Variants in BLNK observed in about 807,000 individuals in gnomAD.
The protein encoded by BLNK is B cell linker.
A neutral mutation model predicts 73.5 loss-of-function variants in BLNK; 29 were observed. That is an observed-to-expected ratio of 0.39 (90% CI 0.29 to 0.54). BLNK has a LOEUF of 0.54. Ranked by LOEUF, BLNK falls within the 20% of genes least tolerant of loss-of-function variation. The pLI is 0.61. For missense variants in BLNK, 460 were observed against 562.8 expected (o/e 0.82, Z 1.85); for synonymous variants, 176 against 200.8 (o/e 0.88, Z 1.04).
chr10:96,231,514 C>T (rs1842498585), intron 3 of BLNK, among the ~76,000 whole-genome samples: 1 of 152,076 alleles, frequency 6.6e-6, no homozygotes, highest in Non-Finnish European at 1.5e-5. Flanking sequence ...GTTGCTTGAG[C>T]CCAGGAGTTC....
At chr10:96,203,832 C>T (rs2083721758) in intron 13 of BLNK, 2 of 392,410 alleles carry the variant, frequency 5.1e-6, no homozygotes, top group African/African-American at 2.1e-5. Context: ...AATATTAAAT[C>T]GCTACTAAAA....
chr10:96,208,574 A>T (rs140314491), intron 9 of BLNK, among the ~76,000 whole-genome samples: 187 of 152,340 alleles, frequency 1.2e-3, no homozygotes, highest in African/African-American at 4.2e-3. Context: ...CTTGTGGAAC[A>T]CTGTAAGTCA....
chr10:96,203,094 GA>G (rs2083690644), intron 13 of BLNK, among the ~76,000 whole-genome samples: 1 of 152,138 alleles, frequency 6.6e-6, no homozygotes, highest in South Asian at 2.1e-4. Context: ...TAAGTTTCAT[GA>G]GGACAGGGTC....
At chr10:96,254,189 A>G (rs550580199) in intron 1 of BLNK, among the ~76,000 whole-genome samples, 10 of 152,210 alleles carry the variant, frequency 6.6e-5, no homozygotes, top group Non-Finnish European at 1.3e-4. Context: ...TTTAACAGCA[A>G]ATCTTACTAT....
chr10:96,256,552 A>G (rs928057026), intron 1 of BLNK, among the ~76,000 whole-genome samples: 1 of 152,124 alleles, frequency 6.6e-6, no homozygotes, highest in Non-Finnish European at 1.5e-5. Context: ...ATTTTAAAAC[A>G]GCTATATGAT....
chr10:96,250,628 T>A (rs1030038248), intron 1 of BLNK, among the ~76,000 whole-genome samples: 1 of 152,158 alleles, frequency 6.6e-6, no homozygotes, highest in Non-Finnish European at 1.5e-5. Flanking sequence ...CTATCAGAAA[T>A]GTGTCAAAAA....
At chr10:96,225,642 A>ATT (rs1370370295) in intron 5 of BLNK, among the ~76,000 whole-genome samples, 2,155 of 138,910 alleles carry the variant, frequency 0.016, 59 homozygotes, top group African/African-American at 0.052. Context: ...GAAGAGTGTG[A>ATT]TTTTTTTTTT....
chr10:96,208,022 T>A, intron 9 of BLNK, 123 bp from the exon 10 acceptor site: 1 of 1,054,028 alleles, frequency 9.5e-7, no homozygotes, highest in Non-Finnish European at 1.5e-6. Context: ...TGTAGAAGAC[T>A]ATCCTTGCAG....
At chr10:96,211,735 G>A (rs1232440279) in intron 8 of BLNK, among the ~76,000 whole-genome samples, 1 of 152,222 alleles carries the variant, frequency 6.6e-6, no homozygotes, top group Non-Finnish European at 1.5e-5. Context: ...CGTTTGGAAT[G>A]TTTACATTTC....
intron 3 of BLNK, 113 bp downstream of exon 3, chr10:96,242,622 G>A: frequency 9.5e-7 from 1 of 1,053,404 alleles, no homozygotes; most frequent in Non-Finnish European, 1.5e-6. Context: ...AATTAGAAAA[G>A]ATACCTTTTG....
intron 3 of BLNK, among the ~76,000 whole-genome samples, chr10:96,236,861 A>T (rs1351252225): frequency 6.6e-6 from 1 of 150,960 alleles, no homozygotes; most frequent in Non-Finnish European, 1.5e-5. Context: ...CATCGTAGAA[A>T]CTCCCTTTGT....
At chr10:96,257,939 C>G (rs782287836) in intron 1 of BLNK, among the ~76,000 whole-genome samples, 1 of 152,230 alleles carries the variant, frequency 6.6e-6, no homozygotes, top group Non-Finnish European at 1.5e-5. Context: ...ATCCTCCTCT[C>G]AGGTCACTCC....
chr10:96,253,962 A>G (rs1843400815), intron 1 of BLNK, among the ~76,000 whole-genome samples: 1 of 151,958 alleles, frequency 6.6e-6, no homozygotes, highest in Non-Finnish European at 1.5e-5. Flanking sequence ...TGGAGCTTGC[A>G]GTGAGCCGAG....
At chr10:96,258,168 C>T (rs1287256425) in intron 1 of BLNK, among the ~76,000 whole-genome samples, 3 of 152,170 alleles carry the variant, frequency 2.0e-5, no homozygotes, top group Admixed American at 6.5e-5. Flanking sequence ...TTTAGATTTG[C>T]GAATTCAGCA....
At chr10:96,257,036 G>GAGGAACAGCAGTCAGGTATC (rs1843548163) in intron 1 of BLNK, among the ~76,000 whole-genome samples, 1 of 152,140 alleles carries the variant, frequency 6.6e-6, no homozygotes, top group African/African-American at 2.4e-5. Flanking sequence ...TCAAAAGGGT[G>GAGGAACAGCAGTCAGGTATC]AGGAACAGCA....
At chr10:96,267,544 C>G (rs1157350571) in intron 1 of BLNK, among the ~76,000 whole-genome samples, 3 of 152,168 alleles carry the variant, frequency 2.0e-5, no homozygotes, top group East Asian at 1.9e-4. Context: ...ACTCCAAACC[C>G]TGAGAAGAGA....
intron 1 of BLNK, among the ~76,000 whole-genome samples, chr10:96,263,905 C>T (rs1843873567): frequency 3.3e-5 from 5 of 152,146 alleles, no homozygotes; most frequent in Admixed American, 3.3e-4. Context: ...GCTGGGGAAC[C>T]CCGAGGTCAT....
intron 8 of BLNK, 65 bp from the exon 9 acceptor site, chr10:96,209,972 G>C: frequency 6.5e-7 from 1 of 1,544,576 alleles, no homozygotes; most frequent in South Asian, 1.1e-5. Flanking sequence ...TCACACTGAG[G>C]CTGGCCTCTC....
intron 13 of BLNK, 104 bp from the exon 14 acceptor site, chr10:96,201,162 C>G (rs1297633891): frequency 9.6e-7 from 1 of 1,045,462 alleles, no homozygotes; most frequent in Non-Finnish European, 1.5e-6. Flanking sequence ...GACACATCCA[C>G]CAAAAAAAAT....
Sources: gnomAD v4.1 joint callset for allele counts (sites outside exome capture counted in the v4.1 genomes callset) on GRCh38, gnomAD v4.1.1 for gene constraint, MANE v1.5 for transcripts, NCBI Gene and HGNC (gene_info 2026-07-23, HGNC 2026-07-21) for gene names.